Variants in RHPN1 observed in about 807,000 individuals in gnomAD.
The protein encoded by RHPN1 is rhophilin-1.
Under a neutral mutation model 74.7 loss-of-function variants are expected in RHPN1, and 77 were observed. That is an observed-to-expected ratio of 1.03 (90% CI 0.86 to 1.25). RHPN1 has a LOEUF of 1.25. Ranked by LOEUF, RHPN1 falls within the 50% of genes most tolerant of loss-of-function variation. The probability of loss-of-function intolerance (pLI) is 0.00; values close to 1 mark genes in which losing one functional copy is unlikely to be tolerated. For missense variants in RHPN1, 987 were observed against 932.2 expected, an observed-to-expected ratio of 1.06 and a Z score of -0.77; for synonymous variants, 444 against 414.5, an observed-to-expected ratio of 1.07 and a Z score of -0.87.
At chr8:143,366,515 ACACACACACACACACACG>A (rs1817558451), upstream of RHPN1, 1 of 139,674 alleles carries the variant, frequency 7.2e-6, no homozygotes. Flanking sequence ...TCCAACACAC[ACACACACACACACACACG>A]CACACACGCA....
chr8:143,376,930 CTG>C (rs1219874747), intron 3 of RHPN1, among the ~76,000 whole-genome samples: 53 of 134,788 alleles, frequency 3.9e-4, no homozygotes, highest in East Asian at 2.0e-3. Flanking sequence ...CTGCATGTGT[CTG>C]TGTGTGCATC....
At chr8:143,377,044 G>T (rs1563794535) in intron 3 of RHPN1, among the ~76,000 whole-genome samples, 1 of 59,638 alleles carries the variant, frequency 1.7e-5, no homozygotes, top group African/African-American at 3.7e-5. Flanking sequence ...ACGTGTGTCT[G>T]TGTGTGTCTG....
chr8:143,376,413 T>A (rs1563792511), intron 2 of RHPN1, 112 bp from the exon 3 acceptor site: 1 of 1,482,174 alleles, frequency 6.7e-7, no homozygotes, highest in East Asian at 2.5e-5. Flanking sequence ...CGACGTCCTC[T>A]GCAGGGTGGG....
At chr8:143,369,755 G>A (rs532164563) in intron 1 of RHPN1, among the ~76,000 whole-genome samples, 22 of 152,328 alleles carry the variant, frequency 1.4e-4, no homozygotes, top group African/African-American at 2.2e-4. Flanking sequence ...CGCCCGCCAC[G>A]GGCTTTCAGC....
chr8:143,380,758 G>A lies in RHPN1; in HGVS notation c.1386G>A (p.Glu462=), dbSNP rs773687939. 1.9e-6 allele frequency: 3 copies of A among 1,584,318 alleles called. No individual in the cohort carries two copies. The highest frequency in any genetic ancestry group is 1.2e-5 in the South Asian group (1 of 86,920). The change falls in exon 11 of 15, where the codon GAG becomes GAA. Residue 462 remains glutamate, a synonymous_variant. Transcript: ENST00000289013. ...TCGACCGTGAGGATGACTTCTGTGA[G>A]GCTGCCGAGGCCCCGGACATCCAGC... ...AELDREDDFC[E]AAEAPDIQPK...
Position 143,379,002 on chromosome 8 carries a change from G to A in RHPN1, c.675G>A (p.Thr225=), listed in dbSNP as rs369406455. The A allele has an allele frequency of 2.1e-4, 328 of 1,551,182 alleles. No individual in the cohort carries two copies. The African/African-American group carries it at 3.7e-3, about 17-fold the overall frequency. The change falls in exon 7 of 15, where the codon ACG becomes ACA. Residue 225 remains threonine, a synonymous_variant. Coordinates refer to ENST00000289013, the MANE Select transcript of RHPN1 (RefSeq NM_052924.3). ...SVLFNIGALH[T]QIGARQDRSC... Reference sequence around the variant, plus strand: ...TCTTCAACATCGGTGCCCTCCACACGCAGATTGGGGCGCGCCAGGACCGCT... The same window carrying A: ...TCTTCAACATCGGTGCCCTCCACACACAGATTGGGGCGCGCCAGGACCGCT...
intron 1 of RHPN1, among the ~76,000 whole-genome samples, chr8:143,369,960 C>T (rs780859719): frequency 6.6e-6 from 1 of 152,226 alleles, no homozygotes; most frequent in Non-Finnish European, 1.5e-5. Flanking sequence ...TGATGCTGAC[C>T]GTAGCCCTCA....
chr8:143,381,313 AG>A lies in RHPN1; in HGVS notation c.1461del (p.Lys488ArgfsTer29), dbSNP rs1228467803. ...GAGGCCAGGATGCCACGCCTGTCCC[AG>A]GGGAAGGGGCCTGACATCTTCCATC... ...KPEARMPRLS[Q>X]GKGPDIFHRL... On this transcript the variant is annotated frameshift_variant, in exon 12 of 15. Transcript: ENST00000289013. LOFTEE classifies it high-confidence loss of function. 2 of 1,612,688 alleles carry A rather than the reference AG, an allele frequency of 1.2e-6. No individual in the cohort carries two copies. Among genetic ancestry groups the A allele is most frequent in the Non-Finnish European group, 1.7e-6 (2 of 1,179,592 alleles).
intron 1 of RHPN1, 73 bp downstream of exon 1, chr8:143,369,120 C>T (rs1257738475): frequency 1.5e-5 from 18 of 1,217,720 alleles, no homozygotes; most frequent in Non-Finnish European, 1.5e-5. Flanking sequence ...CCTCGAGGCG[C>T]GTTCCGGGCG....
intron 1 of RHPN1, among the ~76,000 whole-genome samples, chr8:143,375,158 A>G (rs4874105): frequency 0.62 from 94,714 of 152,100 alleles, 32,457 homozygotes; most frequent in South Asian, 0.84. Context: ...GGGATCCAGA[A>G]TGAAATCCAG....
At chr8:143,375,232 C>A (rs567685735) in intron 1 of RHPN1, among the ~76,000 whole-genome samples, 1 of 152,166 alleles carries the variant, frequency 6.6e-6, no homozygotes, top group African/African-American at 2.4e-5. Flanking sequence ...GGAGCCCCTA[C>A]TTGTCCAGGC....
At chr8:143,378,076 C>T (rs1586822379) in intron 4 of RHPN1, among the ~76,000 whole-genome samples, 193 bp from the exon 5 acceptor site, 1 of 152,242 alleles carries the variant, frequency 6.6e-6, no homozygotes, top group Non-Finnish European at 1.5e-5. Context: ...CCCCTCCATA[C>T]ACATTGGCCC....
At chr8:143,365,170 C>T (rs183323833), upstream of RHPN1, among the ~76,000 whole-genome samples, 158 of 152,088 alleles carry the variant, frequency 1.0e-3, no homozygotes, top group African/African-American at 3.6e-3. Context: ...AATACCGATG[C>T]GCATAAACAG....
At chr8:143,378,234 G>T in intron 4 of RHPN1, 35 bp from the exon 5 acceptor site, 1 of 1,530,750 alleles carries the variant, frequency 6.5e-7, no homozygotes. Context: ...CCAGGCACAG[G>T]GGTACTGTGG....
chr8:143,379,690 G>C (rs1818565958), intron 8 of RHPN1, 139 bp from the exon 9 acceptor site: 1 of 1,448,088 alleles, frequency 6.9e-7, no homozygotes, highest in East Asian at 2.5e-5. Flanking sequence ...GCCTCCAGGG[G>C]ATGGCACAAA....
At chr8:143,376,446 T>C (rs903077497) in intron 2 of RHPN1, 79 bp from the exon 3 acceptor site, 2 of 1,570,004 alleles carry the variant, frequency 1.3e-6, no homozygotes, top group African/African-American at 2.7e-5. Context: ...ACAGGTCAGC[T>C]GGCAGGACGG....
intron 3 of RHPN1, 26 bp downstream of exon 3, chr8:143,376,679 G>C (rs371515199): frequency 1.3e-6 from 2 of 1,546,770 alleles, no homozygotes; most frequent in African/African-American, 1.4e-5. Flanking sequence ...GGGACAGCAC[G>C]TGCGTGTATG....
rs776421533 is a variant in RHPN1, at chr8:143,381,609, G to A, written c.1526G>A (p.Arg509Gln). The A allele has an allele frequency of 4.3e-5, 69 of 1,610,070 alleles. No individual in the cohort carries two copies. The Middle Eastern group carries it at 4.9e-4, about 12-fold the overall frequency. Residue 509 changes from arginine to glutamine, a missense_variant, in exon 13 of 15, where the codon CGG becomes CAG. By Grantham distance (43) the Arg-to-Gln change is conservative. Coordinates refer to ENST00000289013, the MANE Select transcript of RHPN1 (RefSeq NM_052924.3). ...GTGTTCTCAGCCAAGAACCGGTGGC[G>A]GCTGGTGGGGCCCGTCCACCTGACC... is the stretch of plus-strand genomic sequence containing the variant. The part of the protein sequence containing the change: ...LSVFSAKNRW[R>Q]LVGPVHLTRG...
In RHPN1 at chr8:143,379,820, C is replaced by T; in HGVS notation, c.946-9C>T. 1 of 1,605,392 alleles carries T rather than the reference C, an allele frequency of 6.2e-7. No individual in the cohort carries two copies. On this transcript the variant is annotated splice_polypyrimidine_tract_variant and intron_variant, in intron 8 of 14. Coordinates refer to ENST00000289013, the MANE Select transcript of RHPN1 (RefSeq NM_052924.3). ...GAGGCCCTCGCGTGCCTGCCACATC[C>T]ACCGGCAGGTGGCAGCCGAGTACAG... is the stretch of plus-strand genomic sequence containing the variant.
Sources: gnomAD v4.1 joint callset for allele counts (sites outside exome capture counted in the v4.1 genomes callset) on GRCh38, gnomAD v4.1.1 for gene constraint, MANE v1.5 for transcripts, NCBI Gene and HGNC (gene_info 2026-07-23, HGNC 2026-07-21) for gene names.